Variants in RNF17 observed in about 807,000 individuals in gnomAD.
RNF17 encodes the protein ring finger protein 17.
RNF17 carries 31 observed loss-of-function variants against 200.5 expected under a neutral mutation model. The observed-to-expected ratio is 0.15, with a 90% CI of 0.12 to 0.21. The LOEUF (loss-of-function observed/expected upper bound fraction) is 0.21, where lower values mean the gene tolerates loss of function less well. Among genes scored for constraint, RNF17 ranks in the 10% least tolerant of loss-of-function variants. The pLI, the probability that RNF17 is intolerant of heterozygous loss-of-function variation, is 1.00. For missense variants in RNF17, 1,628 were observed against 1,905.1 expected, an observed-to-expected ratio of 0.85 and a Z score of 2.71; for synonymous variants, 606 against 637.8, an observed-to-expected ratio of 0.95 and a Z score of 0.75.
Position 24,879,306 on chromosome 13 carries a change from A to G in RNF17, c.*10+11A>G, listed in dbSNP as rs561347665. The G allele has an allele frequency of 3.4e-6, 5 of 1,490,538 alleles. No homozygotes were observed. In the South Asian group the frequency reaches 4.5e-5, roughly 13 times the overall value. 92.3% of individuals were successfully genotyped at this position (1,490,538 alleles called of 1,614,324 possible). On this transcript the variant is annotated intron_variant, in intron 35 of 35. Coordinates refer to ENST00000255324, the MANE Select transcript of RNF17 (RefSeq NM_031277.3). ...AATAAGTGCCTAAGTGTAAGTTCTC[A>G]TTCTCTTCATAGCATAAGGCATGGG...
At chr13:24,830,673 A>G in intron 17 of RNF17, 74 bp downstream of exon 17, 5 of 1,044,840 alleles carry the variant, frequency 4.8e-6, no homozygotes, top group Non-Finnish European at 4.4e-6. Flanking sequence ...AGCTATTGTC[A>G]TCATAGAAAT....
chr13:24,856,948 G>A (rs187459222), intron 25 of RNF17, among the ~76,000 whole-genome samples: 200 of 152,238 alleles, frequency 1.3e-3, no homozygotes, highest in Non-Finnish European at 2.2e-3. Context: ...CAAAGCAAAG[G>A]CAAAGTTAGG....
chr13:24,814,289 A>G lies in RNF17; in HGVS notation c.2091+9860A>G, dbSNP rs115456312. ...ACATAATTGGAACTGCGTAGTTCAA[A>G]GGCGTGTTCCAAGGCTGGCTGTATT... On this transcript the variant is annotated intron_variant, in intron 15 of 35. Coordinates refer to ENST00000255324, the MANE Select transcript of RNF17 (RefSeq NM_031277.3). Among the ~76,000 whole-genome samples the G allele has an allele frequency of 1.0e-2, 1,522 of 152,282 alleles. 36 individuals are homozygous for G. The highest frequency in any genetic ancestry group is 0.034 in the African/African-American group (1,408 of 41,556).
intron 13 of RNF17, 128 bp from the exon 14 acceptor site, chr13:24,802,252 TC>T: frequency 1.3e-6 from 1 of 751,522 alleles, no homozygotes; most frequent in East Asian, 2.9e-5. Context: ...CCTGGCTGTT[TC>T]CTAATGTCTG....
chr13:24,771,229 G>A (rs1009569672), intron 2 of RNF17, among the ~76,000 whole-genome samples: 2 of 150,968 alleles, frequency 1.3e-5, no homozygotes, highest in Non-Finnish European at 2.9e-5. Context: ...ACAGCTCACT[G>A]CAACCTCAGC....
chr13:24,852,482 G>A (rs1473529144), intron 24 of RNF17, among the ~76,000 whole-genome samples: 2 of 152,078 alleles, frequency 1.3e-5, no homozygotes, highest in Non-Finnish European at 2.9e-5. Context: ...GTTGGAATTG[G>A]AGACACAAGT....
At chr13:24,804,695 G>A (rs1220986233) in intron 15 of RNF17, among the ~76,000 whole-genome samples, 4 of 152,082 alleles carry the variant, frequency 2.6e-5, no homozygotes, top group Non-Finnish European at 4.4e-5. Context: ...TATAGAGTTA[G>A]CAAATAGAAA....
At chr13:24,847,204 G>A (rs781251620) in intron 22 of RNF17, among the ~76,000 whole-genome samples, 3 of 151,904 alleles carry the variant, frequency 2.0e-5, no homozygotes, top group Admixed American at 1.3e-4. Context: ...CAATAATACC[G>A]ACATGGAACT....
intron 6 of RNF17, among the ~76,000 whole-genome samples, chr13:24,784,346 G>A (rs1390558711): frequency 1.3e-5 from 2 of 152,310 alleles, no homozygotes; most frequent in African/African-American, 2.4e-5. Context: ...GTTTTGGGTA[G>A]TTTTGGCCTC....
intron 31 of RNF17, 148 bp downstream of exon 31, chr13:24,868,864 C>G: frequency 1.6e-6 from 1 of 611,462 alleles, no homozygotes; most frequent in Non-Finnish European, 2.9e-6. Flanking sequence ...CTATAATATC[C>G]TCTTCAGATA....
intron 1 of RNF17, 119 bp from the exon 2 acceptor site, chr13:24,767,153 C>A: frequency 1.5e-6 from 1 of 649,792 alleles, no homozygotes. Context: ...CACTTGAGCC[C>A]AAGAGGTGGA....
In RNF17 at chr13:24,783,053, C is replaced by G. The variant is rs150050923; in HGVS notation, c.611+1109C>G. Among the ~76,000 whole-genome samples the G allele has an allele frequency of 6.6e-4, 100 of 152,194 alleles. No homozygotes were observed. In the East Asian group the frequency reaches 0.018, roughly 28 times the overall value. The stretch of plus-strand genomic sequence containing the variant: ...TCTCACATTTAGATCTTTGATCCAT[C>G]TTTAGTTAATTTTTGTGTATGGCAT... On this transcript the variant is annotated intron_variant, in intron 6 of 35. Coordinates refer to ENST00000255324, the MANE Select transcript of RNF17 (RefSeq NM_031277.3).
downstream of RNF17, chr13:24,880,035 G>C (rs1403948326): frequency 6.6e-6 from 1 of 152,116 alleles, no homozygotes; most frequent in Non-Finnish European, 1.5e-5. Context: ...GTACAAAAAG[G>C]CTTCTCCCAA....
chr13:24,804,825 C>G (rs751663076), intron 15 of RNF17, among the ~76,000 whole-genome samples: 7 of 152,078 alleles, frequency 4.6e-5, no homozygotes, highest in Non-Finnish European at 8.8e-5. Flanking sequence ...TCGTATTGAA[C>G]TTTGGATGTG....
intron 32 of RNF17, among the ~76,000 whole-genome samples, 184 bp from the exon 33 acceptor site, chr13:24,873,930 C>A (rs1809772480): frequency 6.6e-6 from 1 of 152,116 alleles, no homozygotes; most frequent in South Asian, 2.1e-4. Flanking sequence ...TGTATATAAT[C>A]ACCACATTTT....
intron 16 of RNF17, among the ~76,000 whole-genome samples, chr13:24,827,368 A>G (rs1412419932): frequency 6.6e-6 from 1 of 152,186 alleles, no homozygotes; most frequent in African/African-American, 2.4e-5. Flanking sequence ...TGAGTTTTCT[A>G]TCCTTCATTT....
intron 32 of RNF17, among the ~76,000 whole-genome samples, chr13:24,871,142 C>A (rs2049526330): frequency 6.6e-6 from 1 of 152,216 alleles, no homozygotes; most frequent in African/African-American, 2.4e-5. Flanking sequence ...ATGACCTGTT[C>A]TGTCAAGACA....
At chr13:24,882,154 AGATAC>A (rs1180616276), downstream of RNF17, 2 of 14,150 alleles carry the variant, frequency 1.4e-4, 1 homozygote, top group African/African-American at 2.7e-4. Context: ...CTATATAGAT[AGATAC>A]ATCTATATAG....
At chr13:24,811,444 G>T (rs1329322869) in intron 15 of RNF17, among the ~76,000 whole-genome samples, 4 of 152,276 alleles carry the variant, frequency 2.6e-5, no homozygotes, top group Non-Finnish European at 5.9e-5. Flanking sequence ...CGGCTGCTGA[G>T]GCTTCTGTAT....
Sources: allele counts gnomAD v4.1 joint callset (sites outside exome capture counted in the v4.1 genomes callset), GRCh38; gene constraint gnomAD v4.1.1; transcripts MANE v1.5; gene names NCBI Gene and HGNC (gene_info 2026-07-23, HGNC 2026-07-21).